The following WDR70 variants were observed in gnomAD, a reference collection of about 807,000 sequenced individuals.
WDR70 encodes WD repeat domain 70.
Under a neutral mutation model 88.6 loss-of-function variants are expected in WDR70, and 53 were observed. That is an observed-to-expected ratio of 0.60 (90% confidence interval 0.48 to 0.75). WDR70 has a LOEUF of 0.75. WDR70 is among the 30% of genes least tolerant of loss of function. The pLI is 0.00. For synonymous variants in WDR70, 280 were observed against 270.0 expected, an observed-to-expected ratio of 1.04 and a Z score of -0.36; for missense variants, 610 against 823.2, an observed-to-expected ratio of 0.74 and a Z score of 3.17.
At chr5:37,705,124 A>G (rs1367784776) in intron 13 of WDR70, among the ~76,000 whole-genome samples, 1 of 152,170 alleles carries the variant, frequency 6.6e-6, no homozygotes, top group Non-Finnish European at 1.5e-5. Flanking sequence ...AGCTTGAAAT[A>G]CCTATAGGAC....
intron 7 of WDR70, among the ~76,000 whole-genome samples, chr5:37,449,792 A>G (rs1325442828): frequency 6.6e-6 from 1 of 152,068 alleles, no homozygotes; most frequent in Non-Finnish European, 1.5e-5. Context: ...ATACATGTGC[A>G]GAACGTGCAG....
chr5:37,563,927 G>A (rs1449708335), intron 9 of WDR70, among the ~76,000 whole-genome samples: 2 of 142,116 alleles, frequency 1.4e-5, no homozygotes, highest in South Asian at 5.0e-4. Flanking sequence ...CATCCCAGAC[G>A]GGGCGGCAGG....
chr5:37,696,937 T>C (rs1747001037), intron 10 of WDR70, among the ~76,000 whole-genome samples: 2 of 152,224 alleles, frequency 1.3e-5, no homozygotes, highest in African/African-American at 4.8e-5. Flanking sequence ...TATAATGAAG[T>C]ATTTAAGAAT....
chr5:37,746,480 A>G (rs1441509216), intron 17 of WDR70, among the ~76,000 whole-genome samples: 1 of 152,212 alleles, frequency 6.6e-6, no homozygotes. Context: ...CAACAAATCC[A>G]GGAGCTGGTG....
chr5:37,646,233 CT>C (rs1359217418), intron 10 of WDR70, among the ~76,000 whole-genome samples: 1 of 152,012 alleles, frequency 6.6e-6, no homozygotes, highest in Admixed American at 6.6e-5. Context: ...CATAAATAAA[CT>C]AAAAAACAAA....
At chr5:37,417,061 C>T (rs1749778268) in intron 5 of WDR70, among the ~76,000 whole-genome samples, 2 of 23,844 alleles carry the variant, frequency 8.4e-5, no homozygotes, top group Non-Finnish European at 2.1e-4. Flanking sequence ...ATATTTTGTG[C>T]ATCTGCTATG....
At chr5:37,471,449 C>T (rs901313110) in intron 7 of WDR70, among the ~76,000 whole-genome samples, 12 of 150,120 alleles carry the variant, frequency 8.0e-5, no homozygotes, top group Admixed American at 1.3e-4. Context: ...GCCATTTTTC[C>T]GGTGGTTGCC....
chr5:37,750,877 C>T (rs1266421846), intron 17 of WDR70, among the ~76,000 whole-genome samples: 1 of 152,204 alleles, frequency 6.6e-6, no homozygotes, highest in African/African-American at 2.4e-5. Context: ...CAGTCTAATA[C>T]AGAGAATAAC....
intron 9 of WDR70, among the ~76,000 whole-genome samples, chr5:37,595,871 T>C (rs1743686896): frequency 6.6e-6 from 1 of 152,168 alleles, no homozygotes; most frequent in African/African-American, 2.4e-5. Context: ...AGAAATAATT[T>C]CACTTTTTAT....
chr5:37,477,247 C>T (rs556615240), intron 7 of WDR70, among the ~76,000 whole-genome samples: 4 of 152,154 alleles, frequency 2.6e-5, no homozygotes, highest in Admixed American at 6.5e-5. Flanking sequence ...TAAAGCAAGT[C>T]AACTGTTGAC....
chr5:37,384,173 C>CTTTTTTTTTTTT (rs57075180), intron 3 of WDR70, among the ~76,000 whole-genome samples: 3 of 107,874 alleles, frequency 2.8e-5, no homozygotes, highest in Non-Finnish European at 5.6e-5. Context: ...ACTTTCCCCC[C>CTTTTTTTTTTTT]TTTTTTTTTT....
chr5:37,706,738 C>CACACAT (rs1554013834), intron 13 of WDR70, among the ~76,000 whole-genome samples: 5 of 55,188 alleles, frequency 9.1e-5, no homozygotes, highest in East Asian at 8.7e-4. Context: ...CACACACACA[C>CACACAT]GCACACAGAC....
At chr5:37,588,587 T>A (rs1053111098) in intron 9 of WDR70, among the ~76,000 whole-genome samples, 2 of 152,028 alleles carry the variant, frequency 1.3e-5, no homozygotes, top group South Asian at 2.1e-4. Flanking sequence ...TTTTTTATTT[T>A]TATTTTTAGA....
chr5:37,415,978 C>G (rs1027305640), intron 5 of WDR70, among the ~76,000 whole-genome samples: 3 of 151,382 alleles, frequency 2.0e-5, no homozygotes, highest in African/African-American at 7.3e-5. Flanking sequence ...GCGCTTCTCA[C>G]TTCCTGGATG....
intron 5 of WDR70, among the ~76,000 whole-genome samples, chr5:37,432,761 A>G (rs573681009): frequency 1.3e-5 from 2 of 151,498 alleles, no homozygotes; most frequent in South Asian, 2.1e-4. Context: ...GGATTTTGCC[A>G]TGTTGGCCAG....
At chr5:37,524,341 A>G (rs564496602) in intron 9 of WDR70, among the ~76,000 whole-genome samples, 48 of 152,338 alleles carry the variant, frequency 3.2e-4, no homozygotes, top group African/African-American at 1.1e-3. Context: ...TTCTTAAAGA[A>G]AAGAATTTTC....
chr5:37,728,069 C>T (rs892397297), intron 17 of WDR70, among the ~76,000 whole-genome samples: 1 of 151,878 alleles, frequency 6.6e-6, no homozygotes, highest in Non-Finnish European at 1.5e-5. Flanking sequence ...TTAACTAGCC[C>T]AGGTGCATTA....
intron 10 of WDR70, among the ~76,000 whole-genome samples, chr5:37,614,287 C>T (rs556025771): frequency 1.6e-4 from 25 of 152,246 alleles, no homozygotes; most frequent in Admixed American, 1.2e-3. Flanking sequence ...CATAACACTG[C>T]GACCTTCTGT....
rs1742820887 is a variant in WDR70 at position 37,568,930 on chromosome 5, CT to C, written c.918-36133del. Among the ~76,000 whole-genome samples, 4 of 152,238 alleles carry C rather than the reference CT, an allele frequency of 2.6e-5. No individual in the cohort carries two copies. The South Asian group carries it at 8.3e-4, about 32-fold the overall frequency. On this transcript the variant is annotated intron_variant, in intron 9 of 17. Transcript: ENST00000265107. The stretch of plus-strand genomic sequence containing the variant: ...GCCCAAAGAGCTGTGTGCATCTCTG[CT>C]CATGGAGCACCCTGCCTAACCTACA...
Sources: gnomAD v4.1 joint callset for allele counts (sites outside exome capture counted in the v4.1 genomes callset) on GRCh38, gnomAD v4.1.1 for gene constraint, MANE v1.5 for transcripts, NCBI Gene and HGNC (gene_info 2026-07-23, HGNC 2026-07-21) for gene names.